The following TMC1 variants were observed in gnomAD, a reference collection of about 807,000 sequenced individuals.
TMC1 encodes the protein transmembrane channel-like protein 1.
TMC1 carries 84 observed loss-of-function variants against 105.8 expected under a neutral mutation model. The observed-to-expected ratio is 0.79, with a 90% CI of 0.67 to 0.95. The LOEUF (loss-of-function observed/expected upper bound fraction) is 0.95, where lower values mean the gene tolerates loss of function less well. TMC1 is among the 40% of genes least tolerant of loss of function. The probability of loss-of-function intolerance (pLI) is 0.00; values close to 1 mark genes in which losing one functional copy is unlikely to be tolerated. For synonymous variants in TMC1, 315 were observed against 311.5 expected (o/e 1.01, Z -0.12); for missense variants, 817 against 914.1 (o/e 0.89, Z 1.37).
intron 20 of TMC1, among the ~76,000 whole-genome samples, chr9:72,824,002 T>C (rs1828912658): frequency 6.6e-6 from 1 of 152,236 alleles, no homozygotes; most frequent in Non-Finnish European, 1.5e-5. Context: ...TGACACAGGA[T>C]GTTTCTCAGC....
At chr9:72,789,770 A>G (rs1353069980) in intron 15 of TMC1, among the ~76,000 whole-genome samples, 1 of 152,212 alleles carries the variant, frequency 6.6e-6, no homozygotes, top group Non-Finnish European at 1.5e-5. Flanking sequence ...CAGCCATGAT[A>G]AAGCCACTGA....
chr9:72,643,735 G>C (rs573608642), intron 4 of TMC1, among the ~76,000 whole-genome samples: 1 of 152,282 alleles, frequency 6.6e-6, no homozygotes, highest in Non-Finnish European at 1.5e-5. Flanking sequence ...CTGTGACAAA[G>C]ATTCATGTGG....
chr9:72,627,726 T>C (rs986553802), intron 3 of TMC1, among the ~76,000 whole-genome samples, 195 bp from the exon 4 acceptor site: 1 of 152,186 alleles, frequency 6.6e-6, no homozygotes, highest in Non-Finnish European at 1.5e-5. Flanking sequence ...CCACGTAGCA[T>C]GCATTTGAAA....
intron 8 of TMC1, among the ~76,000 whole-genome samples, chr9:72,725,325 G>GTATATATA (rs57562145): frequency 0.028 from 2,144 of 76,868 alleles, 97 homozygotes; most frequent in Non-Finnish European, 0.04. Context: ...ATGTGTGTAT[G>GTATATATA]TATATATATA....
intron 5 of TMC1, among the ~76,000 whole-genome samples, chr9:72,656,675 C>T (rs1034587873): frequency 9.9e-5 from 15 of 152,074 alleles, no homozygotes; most frequent in African/African-American, 3.6e-4. Context: ...ATTTTTTTAT[C>T]AATGAAAATT....
intron 5 of TMC1, among the ~76,000 whole-genome samples, chr9:72,660,926 G>A (rs574783267): frequency 2.0e-5 from 3 of 152,196 alleles, no homozygotes; most frequent in Admixed American, 1.3e-4. Context: ...TGAGGCGGGC[G>A]GATCACGAGG....
At chr9:72,746,468 A>G (rs977275191) in intron 10 of TMC1, among the ~76,000 whole-genome samples, 2 of 152,208 alleles carry the variant, frequency 1.3e-5, no homozygotes, top group Non-Finnish European at 2.9e-5. Context: ...AGTAAGTGGC[A>G]TGGTCAAAAG....
intron 2 of TMC1, among the ~76,000 whole-genome samples, chr9:72,611,109 A>G (rs1438687493): frequency 6.6e-6 from 1 of 152,208 alleles, no homozygotes; most frequent in Non-Finnish European, 1.5e-5. Context: ...GAAACTACTT[A>G]TTTATAAGAT....
chr9:72,570,924 A>G (rs532310186), intron 1 of TMC1, among the ~76,000 whole-genome samples: 33 of 148,188 alleles, frequency 2.2e-4, no homozygotes, highest in African/African-American at 7.9e-4. Flanking sequence ...CCTGACCTCA[A>G]ATGATCCACC....
At chr9:72,589,172 A>T (rs1824597543) in intron 2 of TMC1, among the ~76,000 whole-genome samples, 1 of 152,240 alleles carries the variant, frequency 6.6e-6, no homozygotes, top group African/African-American at 2.4e-5. Flanking sequence ...ATTTGAATAA[A>T]TTCTCCTAGC....
chr9:72,654,699 CT>C (rs1189168596), intron 5 of TMC1, among the ~76,000 whole-genome samples: 8 of 151,666 alleles, frequency 5.3e-5, no homozygotes, highest in African/African-American at 1.5e-4. Context: ...ATCATTATTA[CT>C]TTTTGTTTAA....
intron 2 of TMC1, among the ~76,000 whole-genome samples, chr9:72,585,772 C>T (rs1824546196): frequency 6.6e-6 from 1 of 152,052 alleles, no homozygotes; most frequent in Admixed American, 6.5e-5. Context: ...TGACGAGGAG[C>T]CATTGCCATT....
chr9:72,563,648 A>T (rs1824095371), intron 1 of TMC1, among the ~76,000 whole-genome samples: 1 of 152,054 alleles, frequency 6.6e-6, no homozygotes, highest in Non-Finnish European at 1.5e-5. Context: ...CCTGTAATCC[A>T]ACCATTTTGG....
At chr9:72,620,000 A>G (rs1181343344) in intron 3 of TMC1, among the ~76,000 whole-genome samples, 6 of 151,522 alleles carry the variant, frequency 4.0e-5, no homozygotes, top group African/African-American at 9.7e-5. Flanking sequence ...ATGCCCAGCT[A>G]ATGTTTGTAT....
rs189408043 is a variant in TMC1, at chr9:72,631,247, T to G, written c.-53+3184T>G. Among the ~76,000 whole-genome samples, 259 of 152,382 alleles carry G rather than the reference T, an allele frequency of 1.7e-3. 2 individuals are homozygous for G. The highest frequency in any genetic ancestry group is 2.1e-4 in the Non-Finnish European group (14 of 68,046). ...ATTTGTAATTTAAAATTTGTTTAAC[T>G]TTTACAAATAAAAATTACAAATGCA... On this transcript the variant is annotated intron_variant, in intron 4 of 23. Coordinates refer to ENST00000297784, the MANE Select transcript of TMC1 (RefSeq NM_138691.3).
At chr9:72,597,990 C>A (rs1388417057) in intron 2 of TMC1, among the ~76,000 whole-genome samples, 1 of 152,130 alleles carries the variant, frequency 6.6e-6, no homozygotes, top group African/African-American at 2.4e-5. Context: ...AGAAAAAACC[C>A]TCATGGGGAC....
intron 20 of TMC1, 55 bp downstream of exon 20, chr9:72,821,136 G>A: frequency 6.2e-7 from 1 of 1,612,462 alleles, no homozygotes; most frequent in Non-Finnish European, 8.5e-7. Context: ...GGGTGGAGGT[G>A]GGAATGGTCA....
intron 8 of TMC1, among the ~76,000 whole-genome samples, chr9:72,702,898 G>T (rs1309821536): frequency 1.3e-5 from 2 of 151,966 alleles, no homozygotes; most frequent in Non-Finnish European, 2.9e-5. Context: ...CATTAGCATT[G>T]GAAAGAAGGA....
intron 9 of TMC1, chr9:72,741,392 A>G: frequency 2.2e-6 from 1 of 450,218 alleles, no homozygotes; most frequent in Non-Finnish European, 4.2e-6. Flanking sequence ...TCTTAGCACC[A>G]CCATGAAGTC....
Sources: gnomAD v4.1 joint callset for allele counts (sites outside exome capture counted in the v4.1 genomes callset) on GRCh38, gnomAD v4.1.1 for gene constraint, MANE v1.5 for transcripts, NCBI Gene and HGNC (gene_info 2026-07-23, HGNC 2026-07-21) for gene names.